Variants in KDM2A observed in about 807,000 individuals in gnomAD.
KDM2A encodes lysine demethylase 2A, also known as lysine-specific demethylase 2A.
Under a neutral mutation model 137.3 loss-of-function variants are expected in KDM2A, and 3 were observed. The ratio of observed to expected loss-of-function variants is 0.02; its 90% CI spans 0.01 to 0.06. KDM2A has a LOEUF of 0.06. Among genes scored for constraint, KDM2A ranks in the 10% least tolerant of loss-of-function variants. The pLI is 1.00. For missense variants in KDM2A, 738 were observed against 1,510.6 expected, an observed-to-expected ratio of 0.49 and a Z score of 8.48; for synonymous variants, 512 against 541.5, an observed-to-expected ratio of 0.95 and a Z score of 0.76.
intron 12 of KDM2A, chr11:67,240,144 C>T (rs1291509686): frequency 1.3e-5 from 19 of 1,439,652 alleles, no homozygotes; most frequent in Non-Finnish European, 1.7e-5. Flanking sequence ...GAGAAGGAGC[C>T]CAGAGCGCTG....
intron 10 of KDM2A, among the ~76,000 whole-genome samples, chr11:67,223,267 A>G (rs1858425777): frequency 6.6e-6 from 1 of 152,254 alleles, no homozygotes. Flanking sequence ...ATAAGTAAAA[A>G]GCAATGGGGT....
At chr11:67,242,286 GT>G (rs1429701200) in intron 12 of KDM2A, among the ~76,000 whole-genome samples, 1 of 151,758 alleles carries the variant, frequency 6.6e-6, no homozygotes, top group African/African-American at 2.4e-5. Context: ...GTATGTGTGT[GT>G]GTGTGTGTGT....
intron 2 of KDM2A, among the ~76,000 whole-genome samples, chr11:67,155,019 G>A (rs1465790596): frequency 6.6e-6 from 1 of 151,992 alleles, no homozygotes; most frequent in Admixed American, 6.6e-5. Context: ...TAGTTCTTTT[G>A]TTTTTTGTTT....
At chr11:67,130,863 A>G (rs909412143) in intron 2 of KDM2A, among the ~76,000 whole-genome samples, 13 of 142,386 alleles carry the variant, frequency 9.1e-5, no homozygotes, top group Admixed American at 5.7e-4. Context: ...TTAAACCTTG[A>G]TTTTTTTTTT....
chr11:67,236,086 A>T (rs1013166119), intron 12 of KDM2A, among the ~76,000 whole-genome samples: 1 of 152,204 alleles, frequency 6.6e-6, no homozygotes, highest in African/African-American at 2.4e-5. Flanking sequence ...CCAGCCTGCT[A>T]ATAGCAGGGC....
intron 2 of KDM2A, among the ~76,000 whole-genome samples, chr11:67,168,293 T>C (rs1349060922): frequency 6.6e-6 from 1 of 152,082 alleles, no homozygotes; most frequent in African/African-American, 2.4e-5. Context: ...GCATTTTTCT[T>C]ATGTGGCTTC....
intron 1 of KDM2A, among the ~76,000 whole-genome samples, chr11:67,120,670 G>A (rs1855578572): frequency 6.6e-6 from 1 of 152,150 alleles, no homozygotes; most frequent in Non-Finnish European, 1.5e-5. Flanking sequence ...GTAGATTTGG[G>A]AATGATAAGA....
At position 67,127,355 on chromosome 11, in the gene KDM2A, A is replaced by C. The variant is rs1171231818; in HGVS notation, c.42+5997A>C. Among the ~76,000 whole-genome samples the C allele has an allele frequency of 4.0e-5, 6 of 151,796 alleles. No individual in the cohort carries two copies. The South Asian group carries it at 1.3e-3, about 32-fold the overall frequency. ...GCTCAGTCTGGTCTTGAACTCCCAG[A>C]CTCAAGCGATCCACCTTGGCTTCCC... On this transcript the variant is annotated intron_variant, in intron 2 of 20. Coordinates refer to ENST00000529006, the MANE Select transcript of KDM2A (RefSeq NM_012308.3).
chr11:67,181,915 C>CT, intron 5 of KDM2A, 23 bp downstream of exon 5: 1 of 1,610,300 alleles, frequency 6.2e-7, no homozygotes. Flanking sequence ...CTTTTGGCCT[C>CT]TGTCTTTAAG....
chr11:67,237,398 C>T (rs1229229826), intron 12 of KDM2A, among the ~76,000 whole-genome samples: 2 of 151,954 alleles, frequency 1.3e-5, no homozygotes, highest in Non-Finnish European at 2.9e-5. Flanking sequence ...ATAGTTAGCT[C>T]TTATTCCATT....
At chr11:67,126,995 T>C (rs1382286797) in intron 2 of KDM2A, among the ~76,000 whole-genome samples, 3 of 152,188 alleles carry the variant, frequency 2.0e-5, no homozygotes, top group Non-Finnish European at 4.4e-5. Context: ...GCCAGAACTC[T>C]GATGCAAGTT....
intron 2 of KDM2A, among the ~76,000 whole-genome samples, chr11:67,141,206 CT>C (rs2136293857): frequency 6.6e-6 from 1 of 152,152 alleles, no homozygotes; most frequent in African/African-American, 2.4e-5. Flanking sequence ...TTAACCATTT[CT>C]TCATATGCGA....
intron 10 of KDM2A, 63 bp downstream of exon 10, chr11:67,219,466 A>G (rs1272005021): frequency 1.3e-6 from 1 of 777,614 alleles, no homozygotes; most frequent in Non-Finnish European, 1.9e-6. Context: ...TAGATGTTAC[A>G]AGAGATTCAC....
Position 67,243,076 on chromosome 11 carries a change from G to C in KDM2A, c.1547G>C (p.Trp516Ser). The change falls in exon 13 of 21, where the codon TGG becomes TCG. Residue 516 changes from tryptophan (W) to serine (S), a missense_variant. This residue lies in a region of KDM2A where 71 missense variants were observed against 147.9 expected (regional missense o/e 0.48). Coordinates refer to ENST00000529006, the MANE Select transcript of KDM2A (RefSeq NM_012308.3). ...CTCACTGGAGTTCCTATAGTACAGT[G>C]GCCAAAAAGGGATAAGGTAAGAAAC... ...LALTGVPIVQ[W>S]PKRDKLKFPT... 1 of 1,612,064 alleles carries C rather than the reference G, an allele frequency of 6.2e-7. No homozygotes were observed. The highest frequency in any genetic ancestry group is 2.2e-5 in the East Asian group (1 of 44,876).
rs1202227554 is a variant in KDM2A at position 67,119,601 on chromosome 11, C to T, written c.-532C>T. On this transcript the variant is annotated 5_prime_UTR_variant, in exon 1 of 21. Transcript: ENST00000529006. ...GCGCCGCTCCCGCCCTGTCCGCCCC[C>T]CGGGGCCGGGGCCCGCGTTCCGGGG... 6.7e-6 allele frequency: 1 copy of T among 149,912 alleles called. No individual in the cohort carries two copies. Among genetic ancestry groups the T allele is most frequent in the Non-Finnish European group, 1.5e-5 (1 of 67,234 alleles). 9.3% of individuals were successfully genotyped at this position (149,912 alleles called of 1,614,324 possible).
At chr11:67,200,521 T>C (rs1857593662) in intron 5 of KDM2A, among the ~76,000 whole-genome samples, 2 of 151,198 alleles carry the variant, frequency 1.3e-5, no homozygotes, top group South Asian at 4.2e-4. Context: ...CCAGCCTGTT[T>C]GGTTTTTTAA....
At chr11:67,238,767 G>A (rs957500746) in intron 12 of KDM2A, among the ~76,000 whole-genome samples, 7 of 152,214 alleles carry the variant, frequency 4.6e-5, no homozygotes, top group Non-Finnish European at 1.0e-4. Flanking sequence ...AAAAAGGCAA[G>A]TTATACATTT....
intron 5 of KDM2A, among the ~76,000 whole-genome samples, chr11:67,201,010 G>T (rs968734823): frequency 1.3e-5 from 2 of 151,864 alleles, no homozygotes; most frequent in Admixed American, 6.6e-5. Flanking sequence ...GGCTAACACG[G>T]TGAAACCCAG....
chr11:67,219,235 G>C (rs569926159), intron 9 of KDM2A, 53 bp from the exon 10 acceptor site: 3 of 838,394 alleles, frequency 3.6e-6, no homozygotes, highest in Non-Finnish European at 5.6e-6. Context: ...CTCTGAGAGA[G>C]ACTTACTGTA....
Sources: allele counts gnomAD v4.1 joint callset (sites outside exome capture counted in the v4.1 genomes callset), GRCh38; gene constraint gnomAD v4.1.1; regional missense constraint gnomAD v4.1.1; transcripts MANE v1.5; gene names NCBI Gene and HGNC (gene_info 2026-07-23, HGNC 2026-07-21).